The following TMEM132C variants were observed in gnomAD, a reference collection of about 807,000 sequenced individuals.
TMEM132C encodes protein phosphatase 1, regulatory subunit 152.
A neutral mutation model predicts 61.4 loss-of-function variants in TMEM132C; 29 were observed. The ratio of observed to expected loss-of-function variants is 0.47; its 90% CI spans 0.35 to 0.64. The LOEUF is 0.64. TMEM132C is among the 30% of genes least tolerant of loss of function. TMEM132C has a pLI of 0.00. For synonymous variants in TMEM132C, 656 were observed against 633.1 expected (o/e 1.04, Z -0.54); for missense variants, 1,408 against 1,476.9 (o/e 0.95, Z 0.76).
intron 3 of TMEM132C, among the ~76,000 whole-genome samples, chr12:128,546,181 G>A (rs1004959144): frequency 8.5e-5 from 13 of 152,180 alleles, no homozygotes; most frequent in Admixed American, 7.9e-4. Context: ...AGGGACAAGG[G>A]TTGGGTGTCT....
chr12:128,278,680 C>CT lies in TMEM132C; in HGVS notation c.85+11194dup, dbSNP rs1361465558. Among the ~76,000 whole-genome samples, 1 of 151,802 alleles carries CT rather than the reference C, an allele frequency of 6.6e-6. No individual in the cohort carries two copies. The highest frequency in any genetic ancestry group is 1.9e-4 in the East Asian group (1 of 5,180). ...CCGGTGGTCAGGGTGTCCATGATGA[C>CT]TAAGTTTTTGTCTTAACTTGTGTGG... On this transcript the variant is annotated intron_variant, in intron 1 of 8. Coordinates refer to ENST00000435159, the MANE Select transcript of TMEM132C (RefSeq NM_001136103.3). The surrounding 1 kb of genome is among the most constrained non-coding windows in gnomAD (Gnocchi z 4.2).
intron 1 of TMEM132C, among the ~76,000 whole-genome samples, chr12:128,276,162 C>T (rs1257826656): frequency 6.6e-6 from 1 of 152,134 alleles, no homozygotes; most frequent in Non-Finnish European, 1.5e-5. Context: ...TGGACATTCG[C>T]TTTTGAGGCC....
At chr12:128,394,355 A>G (rs1482928478) in intron 1 of TMEM132C, among the ~76,000 whole-genome samples, 2 of 152,312 alleles carry the variant, frequency 1.3e-5, no homozygotes, top group East Asian at 3.9e-4. Context: ...CGGATTCCAG[A>G]CACAAGAAGA....
intron 2 of TMEM132C, among the ~76,000 whole-genome samples, chr12:128,499,237 T>A (rs558680668): frequency 1.3e-5 from 2 of 152,238 alleles, no homozygotes; most frequent in South Asian, 4.1e-4. Flanking sequence ...TAATGGTCAA[T>A]TGATTTTCTT....
intron 3 of TMEM132C, among the ~76,000 whole-genome samples, chr12:128,597,839 G>A (rs1876026410): frequency 6.6e-6 from 1 of 152,192 alleles, no homozygotes; most frequent in Non-Finnish European, 1.5e-5. Flanking sequence ...TTAAGTGTTT[G>A]AGGGTGTTGA....
At chr12:128,593,565 T>C (rs376520322) in intron 3 of TMEM132C, among the ~76,000 whole-genome samples, 1 of 152,212 alleles carries the variant, frequency 6.6e-6, no homozygotes, top group Non-Finnish European at 1.5e-5. Context: ...TGAGTTGGTC[T>C]GGGTTCCGGT....
chr12:128,353,064 A>T (rs1025263523), intron 1 of TMEM132C, among the ~76,000 whole-genome samples: 2 of 152,180 alleles, frequency 1.3e-5, no homozygotes, highest in African/African-American at 4.8e-5. Context: ...TTTCTAAAAG[A>T]TCTTCTCTAG....
chr12:128,604,161 A>G (rs1421841777), intron 3 of TMEM132C, among the ~76,000 whole-genome samples: 1 of 152,204 alleles, frequency 6.6e-6, no homozygotes, highest in Non-Finnish European at 1.5e-5. Flanking sequence ...GTCCATAGAT[A>G]TAGATTTAGG....
At chr12:128,400,919 C>T (rs982428130) in intron 1 of TMEM132C, among the ~76,000 whole-genome samples, 19 of 152,022 alleles carry the variant, frequency 1.2e-4, no homozygotes, top group African/African-American at 4.1e-4. Flanking sequence ...GCCCCCCAGC[C>T]CCATTCTTGA....
chr12:128,465,843 C>T (rs1055637163), intron 2 of TMEM132C, among the ~76,000 whole-genome samples: 1 of 152,122 alleles, frequency 6.6e-6, no homozygotes, highest in Non-Finnish European at 1.5e-5. Context: ...CTCAGTTAGC[C>T]GGTTGCTGAT....
intron 3 of TMEM132C, among the ~76,000 whole-genome samples, chr12:128,586,615 T>C (rs1551599): frequency 1 from 152,048 of 152,360 alleles, 75,868 homozygotes; most frequent in East Asian, 1. Flanking sequence ...TTTTCCTCTG[T>C]ATCTTCCTTG....
intron 4 of TMEM132C, among the ~76,000 whole-genome samples, chr12:128,631,035 T>C (rs745342908): frequency 6.6e-6 from 1 of 152,072 alleles, no homozygotes; most frequent in African/African-American, 2.4e-5. Flanking sequence ...GTCTCAAAAA[T>C]AGTAATAATA....
intron 1 of TMEM132C, among the ~76,000 whole-genome samples, chr12:128,401,458 T>C (rs1242574290): frequency 6.6e-6 from 1 of 152,132 alleles, no homozygotes; most frequent in African/African-American, 2.4e-5. Context: ...AGATACTTGC[T>C]CCTGTATTTA....
chr12:128,361,076 T>G (rs1873694085), intron 1 of TMEM132C, among the ~76,000 whole-genome samples: 1 of 152,154 alleles, frequency 6.6e-6, no homozygotes, highest in Non-Finnish European at 1.5e-5. Context: ...GTGCAGGAGT[T>G]GGGCAGGGGA....
rs1205872502 is a variant in TMEM132C at position 128,653,947 on chromosome 12, CCTGTGGTGACACCAGCCCTTTCTACTCTG to C, written c.1306-15464_1306-15436del. Among the ~76,000 whole-genome samples the C allele has an allele frequency of 6.6e-5, 10 of 152,340 alleles. No individual in the cohort carries two copies. In the East Asian group the frequency reaches 1.9e-3, roughly 29 times the overall value. On this transcript the variant is annotated intron_variant, in intron 4 of 8. Coordinates refer to ENST00000435159, the MANE Select transcript of TMEM132C (RefSeq NM_001136103.3). Reference sequence around the variant, plus strand: ...AGCCCTCTGTGCCTCAGTTTCCCCTCCTGTGGTGACACCAGCCCTTTCTACTCTGCTGTGTTGACACCAGCCCTTTCTAC... The same window carrying C: ...AGCCCTCTGTGCCTCAGTTTCCCCTCCTGTGTTGACACCAGCCCTTTCTAC...
intron 1 of TMEM132C, 110 bp downstream of exon 1, chr12:128,267,597 G>C (rs1043249064): frequency 1.1e-6 from 1 of 906,890 alleles, no homozygotes; most frequent in African/African-American, 1.8e-5. Context: ...GCCTCGGCGG[G>C]GGCTCGGATC....
At chr12:128,451,422 C>CAAGA (rs1870171368) in intron 2 of TMEM132C, among the ~76,000 whole-genome samples, 14 of 152,262 alleles carry the variant, frequency 9.2e-5, no homozygotes, top group Admixed American at 3.9e-4. Flanking sequence ...TGATCCTCTT[C>CAAGA]ATCCTTTTTA....
intron 2 of TMEM132C, among the ~76,000 whole-genome samples, chr12:128,543,393 C>T (rs1236879989): frequency 6.6e-6 from 1 of 152,160 alleles, no homozygotes; most frequent in African/African-American, 2.4e-5. Flanking sequence ...TCCAAATTTG[C>T]ACCGCTAGGA....
intron 2 of TMEM132C, among the ~76,000 whole-genome samples, chr12:128,500,074 A>G (rs1460370704): frequency 1.3e-5 from 2 of 152,222 alleles, no homozygotes; most frequent in East Asian, 1.9e-4. Context: ...GATAAAAGCC[A>G]TAAGAGTGAG....
Sources: allele counts gnomAD v4.1 joint callset (sites outside exome capture counted in the v4.1 genomes callset), GRCh38; gene constraint gnomAD v4.1.1; non-coding constraint Gnocchi (gnomAD v3.1); transcripts MANE v1.5; gene names NCBI Gene and HGNC (gene_info 2026-07-23, HGNC 2026-07-21).